CEP250: variants seen among roughly 807,000 people sequenced by gnomAD.
CEP250 encodes centrosomal protein 250.
In CEP250, 242 loss-of-function variants were observed where a neutral mutation model predicts 315.7. The observed-to-expected ratio is 0.77, with a 90% CI of 0.69 to 0.85. The LOEUF is 0.85. Among genes scored for constraint, CEP250 ranks in the 40% least tolerant of loss-of-function variants. CEP250 has a pLI of 0.00. For missense variants in CEP250, 2,515 were observed against 2,886.4 expected, an observed-to-expected ratio of 0.87 and a Z score of 2.95; for synonymous variants, 1,088 against 1,175.0, an observed-to-expected ratio of 0.93 and a Z score of 1.51.
At chr20:35,507,201 T>G (rs2064211204) in intron 30 of CEP250, among the ~76,000 whole-genome samples, 2 of 152,236 alleles carry the variant, frequency 1.3e-5, no homozygotes. Context: ...TTATCATTTA[T>G]GAACCACAGG....
chr20:35,471,781 GAAGT>G lies in CEP250; in HGVS notation c.949-264_949-261del, dbSNP rs1181635950. ...TAATTATTTCTATTTTAAAGAAAAA[GAAGT>G]AAGTGATAGAAGCTAGTAAGTGATA... On this transcript the variant is annotated intron_variant, in intron 10 of 34. Coordinates refer to ENST00000397527, the MANE Select transcript of CEP250 (RefSeq NM_007186.6). Among the ~76,000 whole-genome samples, 8 of 152,202 alleles carry G rather than the reference GAAGT, an allele frequency of 5.3e-5. No individual in the cohort carries two copies. The East Asian group carries it at 1.3e-3, about 26-fold the overall frequency.
chr20:35,467,202 A>G (rs912896813), intron 8 of CEP250, 102 bp from the exon 9 acceptor site: 51 of 1,454,504 alleles, frequency 3.5e-5, no homozygotes, highest in Non-Finnish European at 2.8e-5. Flanking sequence ...TTGGAAGCAG[A>G]TGATTTTTCC....
chr20:35,504,711 G>A lies in CEP250; in HGVS notation c.6342G>A (p.Arg2114=). ...AQKEQEILEL[R]ETQQRNNLEA... ...AGGAACAGGAGATTCTGGAGCTGAGGGAGACCCAGCAAAGGAACAACCTGG... is the reference window on the plus strand; with the variant it reads ...AGGAACAGGAGATTCTGGAGCTGAGAGAGACCCAGCAAAGGAACAACCTGG... The change falls in exon 30 of 35, where the codon AGG becomes AGA. Residue 2114 remains arginine (R), a synonymous_variant. Coordinates refer to ENST00000397527, the MANE Select transcript of CEP250 (RefSeq NM_007186.6). The A allele has an allele frequency of 6.2e-7, 1 of 1,614,200 alleles. No individual in the cohort carries two copies. Among genetic ancestry groups the A allele is most frequent in the Non-Finnish European group, 8.5e-7 (1 of 1,180,036 alleles).
In CEP250 at chr20:35,475,646, G is replaced by T; in HGVS notation, c.1716G>T (p.Arg572Ser). ...EQTEVTAALARAEQSIAELSS... is the reference protein window; with the variant it reads ...EQTEVTAALASAEQSIAELSS... ...CGGAAGTGACCGCAGCGCTGGCTAG[G>T]GTGCGTGGCCTCCTCTCCTCACTTG... The change falls in exon 15 of 35, where the codon AGG becomes AGT. Residue 572 changes from arginine (R) to serine (S), a missense_variant and splice_region_variant. Transcript: ENST00000397527. 1 of 1,613,220 alleles carries T rather than the reference G, an allele frequency of 6.2e-7. No individual in the cohort carries two copies. The highest frequency in any genetic ancestry group is 8.5e-7 in the Non-Finnish European group (1 of 1,179,930).
chr20:35,507,812 AC>A lies in CEP250; in HGVS notation c.6712del (p.Leu2238TrpfsTer73). ...HSPGATSTAE[L>X]GSRGEQGVQL... ...GCCCAGGTGCAACCAGCACAGCAGA[AC>A]TGGGGTCCAGAGGGGAGCAGGGTGT... On this transcript the variant is annotated frameshift_variant, in exon 31 of 35. Transcript: ENST00000397527. LOFTEE classifies it high-confidence loss of function. The A allele has an allele frequency of 6.3e-7, 1 of 1,581,832 alleles. No homozygotes were observed. The highest frequency in any genetic ancestry group is 8.6e-7 in the Non-Finnish European group (1 of 1,163,934).
Position 35,481,505 on chromosome 20 carries a change from AC to A in CEP250, c.2586+1362del, listed in dbSNP as rs551260368. ...TGTGTTCAGTTCTAACTAGTTTAAC[AC>A]CACAAATTATGATTTTTTTATTGTT... is the stretch of plus-strand genomic sequence containing the variant. On this transcript the variant is annotated intron_variant, in intron 20 of 34. Coordinates refer to ENST00000397527, the MANE Select transcript of CEP250 (RefSeq NM_007186.6). Among the ~76,000 whole-genome samples, 226 of 152,278 alleles carry A rather than the reference AC, an allele frequency of 1.5e-3. 1 individual carries two copies. The highest frequency in any genetic ancestry group is 2.7e-3 in the Non-Finnish European group (182 of 68,026).
chr20:35,512,598 G>A lies in CEP250; in HGVS notation c.*972G>A, dbSNP rs1454175327. ...GCCAATCAGAAGGATGGACTATGGC[G>A]GAACTTCTCACCCATGGACTGGTCC... On this transcript the variant is annotated 3_prime_UTR_variant, in exon 35 of 35. Coordinates refer to ENST00000397527, the MANE Select transcript of CEP250 (RefSeq NM_007186.6). The A allele has an allele frequency of 2.6e-5, 4 of 152,338 alleles. No individual in the cohort carries two copies. Among genetic ancestry groups the A allele is most frequent in the East Asian group, 1.9e-4 (1 of 5,190 alleles). 9.4% of individuals were successfully genotyped at this position (152,338 alleles called of 1,614,324 possible). A position where few individuals can be genotyped will look rare whatever the true frequency, so the allele number is the denominator to read the frequency against.
At chr20:35,494,804 C>T in intron 24 of CEP250, 147 bp downstream of exon 24, 2 of 873,480 alleles carry the variant, frequency 2.3e-6, no homozygotes, top group East Asian at 2.6e-5. Flanking sequence ...GACATGGTTC[C>T]TGTCTTCAAA....
Position 35,502,462 on chromosome 20 carries a change from G to A in CEP250, c.4093G>A (p.Val1365Ile), listed in dbSNP as rs780905570. Residue 1365 changes from valine to isoleucine, a missense_variant, in exon 30 of 35, where the codon GTA becomes ATA. Val to Ile is a conservative substitution (Grantham distance 29). Transcript: ENST00000397527. ...AQVEHLQAAV[V>I]EARAQASAAG... ...GGTGGAACACCTGCAAGCAGCTGTC[G>A]TAGAAGCCAGGGCTCAGGCAAGTGC... is the stretch of plus-strand genomic sequence containing the variant. 3.7e-5 allele frequency: 59 copies of A among 1,614,030 alleles called. No homozygotes were observed. The highest frequency in any genetic ancestry group is 2.7e-4 in the South Asian group (25 of 91,078).
rs2063308825 is a variant in CEP250, at chr20:35,480,217, A to G, written c.2586+72A>G. ...CTACCTGCTGCCTCTTGGTCCAGTTATTGCTGCTCGTATGAGTGAAATTTT... is the reference window on the plus strand; with the variant it reads ...CTACCTGCTGCCTCTTGGTCCAGTTGTTGCTGCTCGTATGAGTGAAATTTT... On this transcript the variant is annotated intron_variant, in intron 20 of 34. Coordinates refer to ENST00000397527, the MANE Select transcript of CEP250 (RefSeq NM_007186.6). 4 of 1,443,106 alleles carry G rather than the reference A, an allele frequency of 2.8e-6. No individual in the cohort carries two copies. In the South Asian group the frequency reaches 4.1e-5, roughly 15 times the overall value. 89.4% of individuals were successfully genotyped at this position (1,443,106 alleles called of 1,614,324 possible).
chr20:35,508,191 G>C lies in CEP250; in HGVS notation c.6906+1G>C. 6.2e-7 allele frequency: 1 copy of C among 1,613,714 alleles called. No homozygotes were observed. Among genetic ancestry groups the C allele is most frequent in the East Asian group, 2.2e-5 (1 of 44,856 alleles). On this transcript the variant is annotated splice_donor_variant, in intron 32 of 34. Coordinates refer to ENST00000397527, the MANE Select transcript of CEP250 (RefSeq NM_007186.6). LOFTEE classifies it high-confidence loss of function. ...CCAGCTGCGGAGTACCTTGGAGCAG[G>C]TGACCCCTCTTCTTGTCCAGTGGGC... is the stretch of plus-strand genomic sequence containing the variant.
chr20:35,507,552 G>A (rs1252514683), intron 30 of CEP250, among the ~76,000 whole-genome samples, 186 bp from the exon 31 acceptor site: 2 of 152,132 alleles, frequency 1.3e-5, no homozygotes. Flanking sequence ...CTTGAGAAGA[G>A]CCCCTCTGCT....
intron 16 of CEP250, 27 bp from the exon 17 acceptor site, chr20:35,477,844 G>C (rs1323421455): frequency 4.6e-6 from 7 of 1,528,478 alleles, no homozygotes; most frequent in Non-Finnish European, 6.2e-6. Context: ...TTTGATGCTT[G>C]TACTCCCTTC....
chr20:35,509,338 G>C (rs1383273719), intron 33 of CEP250, among the ~76,000 whole-genome samples: 1 of 152,208 alleles, frequency 6.6e-6, no homozygotes, highest in Non-Finnish European at 1.5e-5. Flanking sequence ...ATGGGGCTCT[G>C]CTTAGGATCC....
chr20:35,490,834 G>C, intron 21 of CEP250, 30 bp downstream of exon 21: 4 of 1,607,400 alleles, frequency 2.5e-6, no homozygotes, highest in Non-Finnish European at 3.4e-6. Flanking sequence ...GGAGCTGCAC[G>C]TCCAGTCAGC....
At chr20:35,497,598 G>T (rs1213707003) in intron 25 of CEP250, 121 bp from the exon 26 acceptor site, 1 of 706,866 alleles carries the variant, frequency 1.4e-6, no homozygotes, top group South Asian at 1.9e-5. Context: ...TGAGAGCTGA[G>T]CTGAAATCCT....
Position 35,515,791 on chromosome 20 carries a change from C to G in CEP250, c.*4165C>G, listed in dbSNP as rs2064429930. ...AACCAAGAGAGCCCTCCACATGATTCTGGGCACAGCTGAGGAGGAGTGCAA... is the reference window on the plus strand; with the variant it reads ...AACCAAGAGAGCCCTCCACATGATTGTGGGCACAGCTGAGGAGGAGTGCAA... On this transcript the variant is annotated 3_prime_UTR_variant, in exon 35 of 35. Coordinates refer to ENST00000397527, the MANE Select transcript of CEP250 (RefSeq NM_007186.6). The G allele has an allele frequency of 1.3e-5, 2 of 152,404 alleles. No individual in the cohort carries two copies. The highest frequency in any genetic ancestry group is 6.5e-5 in the Admixed American group (1 of 15,286). 9.4% of individuals were successfully genotyped at this position (152,404 alleles called of 1,614,324 possible). A position where few individuals can be genotyped will look rare whatever the true frequency, so the allele number is the denominator to read the frequency against.
At chr20:35,489,347 T>TA (rs765619452) in intron 20 of CEP250, among the ~76,000 whole-genome samples, 2 of 152,196 alleles carry the variant, frequency 1.3e-5, no homozygotes, top group Non-Finnish European at 2.9e-5. Context: ...ACGACAAACT[T>TA]ACAAGCATTT....
At chr20:35,494,237 G>A (rs1327140417) in intron 23 of CEP250, 3 of 317,156 alleles carry the variant, frequency 9.5e-6, no homozygotes, top group Non-Finnish European at 1.8e-5. Context: ...GCCTCCCAAA[G>A]TGTTGAGATT....
Sources: gnomAD v4.1 joint callset for allele counts (sites outside exome capture counted in the v4.1 genomes callset) on GRCh38, gnomAD v4.1.1 for gene constraint, MANE v1.5 for transcripts, NCBI Gene and HGNC (gene_info 2026-07-23, HGNC 2026-07-21) for gene names.